Variants in SMYD1 observed in about 807,000 individuals in gnomAD.
SMYD1 encodes SET and MYND domain containing 1.
A neutral mutation model predicts 54.0 loss-of-function variants in SMYD1; 49 were observed. The observed-to-expected ratio is 0.91, with a 90% confidence interval of 0.72 to 1.15. SMYD1 has a LOEUF of 1.15. Among genes scored for constraint, SMYD1 ranks in the 50% most tolerant of loss-of-function variants. SMYD1 has a pLI of 0.00. For synonymous variants in SMYD1, 269 were observed against 234.2 expected, an observed-to-expected ratio of 1.15 and a Z score of -1.36; for missense variants, 653 against 639.6, an observed-to-expected ratio of 1.02 and a Z score of -0.23.
At position 88,096,778 on chromosome 2, in the gene SMYD1, C is replaced by A. The variant is rs538199535; in HGVS notation, c.882C>A (p.Asn294Lys). 1 of 1,612,702 alleles carries A rather than the reference C, an allele frequency of 6.2e-7. No individual in the cohort carries two copies. The highest frequency in any genetic ancestry group is 2.2e-5 in the East Asian group (1 of 44,876). The change falls in exon 6 of 10, where the codon AAC becomes AAA. Residue 294 changes from asparagine to lysine, a missense_variant. Transcript: ENST00000419482. ...ACCTCTTCCTGGGGGTGAAAGACAA[C>A]CCCAAGGTACACACAGCCCTGCTGC... Reference protein sequence around the residue: ...KDDLFLGVKDNPKPSQEVVKE... With the variant: ...KDDLFLGVKDKPKPSQEVVKE...
At chr2:88,086,209 A>G (rs1674319706) in intron 2 of SMYD1, among the ~76,000 whole-genome samples, 1 of 152,204 alleles carries the variant, frequency 6.6e-6, no homozygotes, top group South Asian at 2.1e-4. Context: ...CAAAATGTAC[A>G]AGGGATCTCT....
rs572076811 is a variant in SMYD1 at position 88,113,253 on chromosome 2, T to A, written c.*2741T>A. The A allele has an allele frequency of 1.3e-5, 2 of 152,186 alleles. No individual in the cohort carries two copies. Among genetic ancestry groups the A allele is most frequent in the African/African-American group, 2.4e-5 (1 of 41,442 alleles). The allele number at this position is 152,186 out of a possible 1,614,324, so 9.4% of individuals were successfully genotyped here. ...AGGTGCTCAGTAAATGTGTGTTGAA[T>A]AAATGAATGAATGAATGAACAAATG... On this transcript the variant is annotated 3_prime_UTR_variant, in exon 10 of 10. Coordinates refer to ENST00000419482, the MANE Select transcript of SMYD1 (RefSeq NM_198274.4).
chr2:88,067,979 T>C lies in SMYD1; in HGVS notation c.115T>C (p.Tyr39His). ...AGATATCATCTTTGCTGAGCGGGCT[T>C]ATTCCGCAGTGGTTTTTGACAGGTA... ...AADIIFAERA[Y>H]SAVVFDSLVN... is the part of the protein sequence containing the mutation. The change falls in exon 1 of 10, where the codon TAT (tyrosine) becomes CAT (histidine). Residue 39 changes from tyrosine to histidine, a missense_variant. Transcript: ENST00000419482. The C allele has an allele frequency of 1.9e-6, 3 of 1,613,664 alleles. No individual in the cohort carries two copies. Among genetic ancestry groups the C allele is most frequent in the Non-Finnish European group, 2.5e-6 (3 of 1,179,988 alleles).
In SMYD1 at chr2:88,110,483, T is replaced by G; in HGVS notation, c.1444T>G (p.Ser482Ala). The G allele has an allele frequency of 6.3e-7, 1 of 1,594,212 alleles. No individual in the cohort carries two copies. The highest frequency in any genetic ancestry group is 1.1e-5 in the South Asian group (1 of 87,742). ...CATGGCCGAGCCCAGCAATGAGCCA[T>G]CCCCAGCTCTGTTCCACAAGAAGCA... ...QVMAEPSNEP[S>A]PALFHKKQ Residue 482 changes from serine (S) to alanine (A), a missense_variant, in exon 10 of 10, where the codon TCC (serine) becomes GCC (alanine). Coordinates refer to ENST00000419482, the MANE Select transcript of SMYD1 (RefSeq NM_198274.4).
At chr2:88,072,389 G>C (rs1673968259) in intron 1 of SMYD1, among the ~76,000 whole-genome samples, 1 of 152,162 alleles carries the variant, frequency 6.6e-6, no homozygotes, top group South Asian at 2.1e-4. Flanking sequence ...GGCCTCAAGT[G>C]ATCTGCCGGC....
At chr2:88,099,952 C>T (rs986285489) in intron 6 of SMYD1, among the ~76,000 whole-genome samples, 1 of 149,956 alleles carries the variant, frequency 6.7e-6, no homozygotes, top group Non-Finnish European at 1.5e-5. Context: ...CTTTCCTTAT[C>T]CTCTGGCTCC....
At chr2:88,075,737 C>G (rs1283853545) in intron 1 of SMYD1, among the ~76,000 whole-genome samples, 1 of 151,918 alleles carries the variant, frequency 6.6e-6, no homozygotes, top group East Asian at 1.9e-4. Context: ...AGGCAGTGGT[C>G]TCACTATTTT....
chr2:88,112,763 T>C lies in SMYD1; in HGVS notation c.*2251T>C, dbSNP rs1675057829. On this transcript the variant is annotated 3_prime_UTR_variant, in exon 10 of 10. Coordinates refer to ENST00000419482, the MANE Select transcript of SMYD1 (RefSeq NM_198274.4). ...CAATCATCACTCCCAGCCATTGATT[T>C]TGGTGACCCACTTCCCTGTGATGAT... 6.6e-6 allele frequency: 1 copy of C among 152,414 alleles called. No individual in the cohort carries two copies. Among genetic ancestry groups the C allele is most frequent in the African/African-American group, 2.4e-5 (1 of 41,454 alleles). 9.4% of individuals were successfully genotyped at this position (152,414 alleles called of 1,614,324 possible). A position where few individuals can be genotyped will look rare whatever the true frequency, so the allele number is the denominator to read the frequency against.
rs572369327 is a variant in SMYD1 at position 88,103,313 on chromosome 2, T to C, written c.981+163T>C. On this transcript the variant is annotated intron_variant, in intron 7 of 9. Transcript: ENST00000419482. ...TTGGTTGAGATCATGACTCTTCTTGTCCGTAAATCTTTAGCATCTCTTAGG... is the reference window on the plus strand; with the variant it reads ...TTGGTTGAGATCATGACTCTTCTTGCCCGTAAATCTTTAGCATCTCTTAGG... 5.5e-4 allele frequency among the ~76,000 whole-genome samples: 84 copies of C among 152,262 alleles called. No homozygotes were observed. The South Asian group carries it at 7.7e-3, about 14-fold the overall frequency.
chr2:88,095,421 T>A (rs1254286708), intron 5 of SMYD1, among the ~76,000 whole-genome samples: 2 of 152,226 alleles, frequency 1.3e-5, no homozygotes, highest in Non-Finnish European at 2.9e-5. Context: ...GATGCCTGGA[T>A]ATGAACGTCA....
chr2:88,093,416 CT>C (rs1674505560), intron 4 of SMYD1, 100 bp from the exon 5 acceptor site: 1 of 1,392,398 alleles, frequency 7.2e-7, no homozygotes, highest in East Asian at 2.3e-5. Flanking sequence ...ATGGCCAAAG[CT>C]TTGATACTGT....
At chr2:88,101,806 C>T (rs1299790389) in intron 6 of SMYD1, among the ~76,000 whole-genome samples, 1 of 152,128 alleles carries the variant, frequency 6.6e-6, no homozygotes, top group Non-Finnish European at 1.5e-5. Flanking sequence ...GGATTTCACC[C>T]TATTGTCCAG....
chr2:88,072,426 CAGGCGTG>C (rs777614909), intron 1 of SMYD1, among the ~76,000 whole-genome samples: 176 of 152,382 alleles, frequency 1.2e-3, no homozygotes, highest in Non-Finnish European at 2.2e-3. Flanking sequence ...GCTAGGATTA[CAGGCGTG>C]AGCCACTGCG....
At chr2:88,090,053 A>G (rs560788557) in intron 3 of SMYD1, among the ~76,000 whole-genome samples, 4 of 152,312 alleles carry the variant, frequency 2.6e-5, no homozygotes, top group African/African-American at 7.2e-5. Flanking sequence ...AGTCCAATTT[A>G]TTCAACCTAT....
At chr2:88,095,669 C>T (rs935407427) in intron 5 of SMYD1, among the ~76,000 whole-genome samples, 2 of 152,178 alleles carry the variant, frequency 1.3e-5, no homozygotes, top group African/African-American at 4.8e-5. Flanking sequence ...AGGGAGGTCC[C>T]AGGATTCTGG....
At position 88,110,838 on chromosome 2, in the gene SMYD1, A is replaced by G; in HGVS notation, c.*326A>G. ...CATTTAAAGCACACTGTAATAATAA[A>G]TGCAATTATAAACTATATGGAGGAG... On this transcript the variant is annotated 3_prime_UTR_variant, in exon 10 of 10. Transcript: ENST00000419482. The G allele has an allele frequency of 4.3e-6, 1 of 230,230 alleles. No individual in the cohort carries two copies. Among genetic ancestry groups the G allele is most frequent in the Non-Finnish European group, 8.4e-6 (1 of 119,246 alleles). The allele number at this position is 230,230 out of a possible 1,614,324, so 14.3% of individuals were successfully genotyped here. A position where few individuals can be genotyped will look rare whatever the true frequency, so the allele number is the denominator to read the frequency against.
intron 8 of SMYD1, among the ~76,000 whole-genome samples, chr2:88,106,695 C>T (rs969731141): frequency 6.6e-6 from 1 of 152,066 alleles, no homozygotes; most frequent in African/African-American, 2.4e-5. Context: ...GAGATGAAAC[C>T]TATTTGTCAT....
intron 7 of SMYD1, among the ~76,000 whole-genome samples, chr2:88,104,107 C>T (rs1213446673): frequency 6.6e-6 from 1 of 152,008 alleles, no homozygotes; most frequent in Non-Finnish European, 1.5e-5. Flanking sequence ...GCTGGGACTA[C>T]AGGTGCCCGC....
intron 1 of SMYD1, among the ~76,000 whole-genome samples, chr2:88,077,220 G>A (rs964163434): frequency 6.6e-6 from 1 of 152,182 alleles, no homozygotes; most frequent in Non-Finnish European, 1.5e-5. Flanking sequence ...ACAAGGAGCT[G>A]AGCAGCAGCT....
Sources: gnomAD v4.1 joint callset for allele counts (sites outside exome capture counted in the v4.1 genomes callset) on GRCh38, gnomAD v4.1.1 for gene constraint, MANE v1.5 for transcripts, NCBI Gene and HGNC (gene_info 2026-07-23, HGNC 2026-07-21) for gene names.